RTN4IP1: variants seen among roughly 807,000 people sequenced by gnomAD.
The protein encoded by RTN4IP1 is reticulon 4 interacting protein 1.
RTN4IP1 carries 32 observed loss-of-function variants against 46.6 expected under a neutral mutation model. The observed-to-expected ratio is 0.69, with a 90% confidence interval of 0.52 to 0.92. The LOEUF is 0.92. RTN4IP1 is among the 40% of genes least tolerant of loss of function. The pLI is 0.00. For missense variants in RTN4IP1, 424 were observed against 485.8 expected, an observed-to-expected ratio of 0.87 and a Z score of 1.20; for synonymous variants, 167 against 161.8, an observed-to-expected ratio of 1.03 and a Z score of -0.24.
intron 4 of RTN4IP1, among the ~76,000 whole-genome samples, chr6:106,618,295 G>A (rs1562153173): frequency 6.6e-6 from 1 of 152,018 alleles, no homozygotes; most frequent in Admixed American, 6.6e-5. Context: ...AAAAAACTAG[G>A]TTATTTTAAT....
rs1161399471 is a variant in RTN4IP1, at chr6:106,627,662, C to A, written c.274+1086G>T. Among the ~76,000 whole-genome samples, 4 of 148,056 alleles carry A rather than the reference C, an allele frequency of 2.7e-5. No homozygotes were observed. In the East Asian group the frequency reaches 8.0e-4, roughly 30 times the overall value. ...GAATAAAGGAAAACGGCATGCCCAACTGGTAGTAGCAATTACTACTTCAAA... is the reference window on the plus strand; with the variant it reads ...GAATAAAGGAAAACGGCATGCCCAAATGGTAGTAGCAATTACTACTTCAAA... On this transcript the variant is annotated intron_variant, in intron 1 of 8. Transcript: ENST00000369063.
chr6:106,607,433 A>G (rs1401511524), intron 4 of RTN4IP1, among the ~76,000 whole-genome samples: 1 of 152,170 alleles, frequency 6.6e-6, no homozygotes, highest in African/African-American at 2.4e-5. Context: ...CAATGAAGAG[A>G]CAACCTGTAG....
chr6:106,583,477 T>C (rs1775417001), intron 7 of RTN4IP1, 57 bp from the exon 8 acceptor site: 4 of 1,409,216 alleles, frequency 2.8e-6, no homozygotes, highest in Non-Finnish European at 4.0e-6. Context: ...TCTGACTAAA[T>C]GCAGATTTAG....
chr6:106,602,803 ATAATGTATCT>A, intron 5 of RTN4IP1, 61 bp downstream of exon 5: 1 of 1,065,608 alleles, frequency 9.4e-7, no homozygotes, highest in Non-Finnish European at 1.4e-6. Context: ...TTAAGGAGAA[ATAATGTATCT>A]TAATTTATAA....
At chr6:106,626,002 T>G (rs1200364498) in intron 1 of RTN4IP1, among the ~76,000 whole-genome samples, 2 of 152,106 alleles carry the variant, frequency 1.3e-5, no homozygotes, top group African/African-American at 4.8e-5. Flanking sequence ...GTCTGTATAC[T>G]AATGGAGATG....
At chr6:106,615,849 T>C (rs1359807746) in intron 4 of RTN4IP1, among the ~76,000 whole-genome samples, 1 of 152,224 alleles carries the variant, frequency 6.6e-6, no homozygotes, top group Non-Finnish European at 1.5e-5. Context: ...TATGTGTTCC[T>C]ACTGAACAAA....
chr6:106,617,295 A>G, intron 4 of RTN4IP1, among the ~76,000 whole-genome samples: 1 of 152,238 alleles, frequency 6.6e-6, no homozygotes, highest in East Asian at 1.9e-4. Flanking sequence ...AGATCACAAC[A>G]TGTGAATGCA....
chr6:106,579,049 A>G (rs1017514485), intron 8 of RTN4IP1, among the ~76,000 whole-genome samples: 2 of 151,784 alleles, frequency 1.3e-5, no homozygotes, highest in African/African-American at 4.8e-5. Flanking sequence ...AGCCTGGCCA[A>G]CATGGTGAAA....
chr6:106,581,837 A>C (rs1775378890), intron 8 of RTN4IP1, among the ~76,000 whole-genome samples: 1 of 152,228 alleles, frequency 6.6e-6, no homozygotes, highest in African/African-American at 2.4e-5. Context: ...AGTGGTAAGC[A>C]TGTGGACAGC....
intron 6 of RTN4IP1, among the ~76,000 whole-genome samples, chr6:106,590,091 G>A (rs554622867): frequency 1.3e-5 from 2 of 152,068 alleles, no homozygotes; most frequent in Non-Finnish European, 2.9e-5. Context: ...ACCAAGGAAG[G>A]CGGATCACCT....
intron 5 of RTN4IP1, among the ~76,000 whole-genome samples, chr6:106,599,684 C>T (rs7770833): frequency 0.019 from 2,921 of 152,130 alleles, 83 homozygotes; most frequent in African/African-American, 0.068. Context: ...TTTACTTACT[C>T]ATTTTACTGT....
chr6:106,618,718 G>A (rs1456493935), intron 4 of RTN4IP1, among the ~76,000 whole-genome samples: 1 of 152,144 alleles, frequency 6.6e-6, no homozygotes. Context: ...TAGGCATTGA[G>A]ACTGAGAGAA....
At chr6:106,597,318 A>G (rs781375292) in intron 5 of RTN4IP1, among the ~76,000 whole-genome samples, 5 of 152,052 alleles carry the variant, frequency 3.3e-5, no homozygotes, top group Middle Eastern at 3.2e-3. Flanking sequence ...CCTGTCATCA[A>G]TATTTGATAC....
At chr6:106,583,280 G>A (rs1049172056) in intron 8 of RTN4IP1, 48 bp downstream of exon 8, 1 of 1,434,304 alleles carries the variant, frequency 7.0e-7, no homozygotes, top group African/African-American at 1.4e-5. Context: ...TACAGGAGGT[G>A]CTGTAGAAAT....
At chr6:106,599,908 C>T (rs1021436312) in intron 5 of RTN4IP1, among the ~76,000 whole-genome samples, 10 of 151,094 alleles carry the variant, frequency 6.6e-5, no homozygotes, top group African/African-American at 2.4e-4. Context: ...TCTTAAGTGG[C>T]TGTATCAATT....
At chr6:106,585,392 G>A (rs1326274935) in intron 7 of RTN4IP1, among the ~76,000 whole-genome samples, 1 of 152,098 alleles carries the variant, frequency 6.6e-6, no homozygotes, top group African/African-American at 2.4e-5. Flanking sequence ...AGCTTACTGT[G>A]GATCCAGTAA....
chr6:106,571,007 G>GAGAT lies in RTN4IP1; in HGVS notation c.*985_*988dup, dbSNP rs1775045434. ...TGCACACTGCAATGGGTTGATTGGA[G>GAGAT]AGATATCTAAATGTAAACATTTGAC... is the stretch of plus-strand genomic sequence containing the variant. On this transcript the variant is annotated 3_prime_UTR_variant, in exon 9 of 9. Transcript: ENST00000369063. 1.3e-5 allele frequency: 2 copies of GAGAT among 152,202 alleles called. No individual in the cohort carries two copies. Among genetic ancestry groups the GAGAT allele is most frequent in the Admixed American group, 1.3e-4 (2 of 15,282 alleles). The allele number at this position is 152,202 out of a possible 1,614,324, so 9.4% of individuals were successfully genotyped here. A position where few individuals can be genotyped will look rare whatever the true frequency, so the allele number is the denominator to read the frequency against.
In RTN4IP1 at chr6:106,629,475, CCTT is replaced by C. The variant is rs1377177601; in HGVS notation, c.-457_-455del. ...CGGAATCTCCTTGCCTGCCCGCTCT[CCTT>C]AGCCGCCGGGATGGCTTTGCGGCGC... On this transcript the variant is annotated 5_prime_UTR_variant, in exon 1 of 9. Transcript: ENST00000369063. 1.4e-6 allele frequency: 1 copy of C among 689,862 alleles called. No homozygotes were observed. The highest frequency in any genetic ancestry group is 2.4e-6 in the Non-Finnish European group (1 of 420,336). The allele number at this position is 689,862 out of a possible 1,614,324, so 42.7% of individuals were successfully genotyped here.
intron 8 of RTN4IP1, among the ~76,000 whole-genome samples, chr6:106,574,605 C>T (rs1047768820): frequency 6.6e-6 from 1 of 152,166 alleles, no homozygotes; most frequent in African/African-American, 2.4e-5. Context: ...CCTGTTAGAA[C>T]AACTACATCA....
Sources: gnomAD v4.1 joint callset for allele counts (sites outside exome capture counted in the v4.1 genomes callset) on GRCh38, gnomAD v4.1.1 for gene constraint, MANE v1.5 for transcripts, NCBI Gene and HGNC (gene_info 2026-07-23, HGNC 2026-07-21) for gene names.